Variants in IRS1 observed in about 807,000 individuals in gnomAD.
IRS1 encodes the protein insulin receptor substrate 1.
A neutral mutation model predicts 65.6 loss-of-function variants in IRS1; 34 were observed. The ratio of observed to expected loss-of-function variants is 0.52; its 90% CI spans 0.39 to 0.69. IRS1 has a LOEUF of 0.69. Among genes scored for constraint, IRS1 ranks in the 30% least tolerant of loss-of-function variants. The pLI is 0.00. For missense variants in IRS1, 1,641 were observed against 1,720.2 expected, an observed-to-expected ratio of 0.95 and a Z score of 0.81; for synonymous variants, 699 against 683.5, an observed-to-expected ratio of 1.02 and a Z score of -0.35.
intron 1 of IRS1, among the ~76,000 whole-genome samples, chr2:226,783,839 A>G (rs1296490986): frequency 6.6e-6 from 1 of 152,130 alleles, no homozygotes; most frequent in East Asian, 1.9e-4. Context: ...CAAATGTGAT[A>G]TAAGCAGAGG....
At position 226,732,653 on chromosome 2, in the gene IRS1, AAGAC is replaced by A. The variant is rs1938249106; in HGVS notation, c.*3615_*3618del. 6.7e-6 allele frequency: 1 copy of A among 150,158 alleles called. No homozygotes were observed. The highest frequency in any genetic ancestry group is 1.5e-5 in the Non-Finnish European group (1 of 67,596). 9.3% of individuals were successfully genotyped at this position (150,158 alleles called of 1,614,324 possible). Reference sequence around the variant, plus strand: ...CGTCACATATATATACACACACACAAAGACACACACATGTCACATATATATACAC... The same window carrying A: ...CGTCACATATATATACACACACACAAACACACATGTCACATATATATACAC... On this transcript the variant is annotated 3_prime_UTR_variant, in exon 2 of 2. Transcript: ENST00000305123.
At chr2:226,791,788 C>T (rs949930739) in intron 1 of IRS1, among the ~76,000 whole-genome samples, 3 of 151,966 alleles carry the variant, frequency 2.0e-5, no homozygotes, top group Admixed American at 1.3e-4. Flanking sequence ...CGGCTGTGCC[C>T]GAGGGCGGGG....
rs1939769026 is a variant in IRS1, at chr2:226,797,667, G to A, written c.1072C>T (p.Arg358Trp). 2 of 1,595,466 alleles carry A rather than the reference G, an allele frequency of 1.3e-6. No homozygotes were observed. The highest frequency in any genetic ancestry group is 2.2e-5 in the South Asian group (2 of 90,314). The change falls in exon 1 of 2, where the codon CGG (arginine) becomes TGG (tryptophan). Residue 358 changes from arginine (R) to tryptophan (W), a missense_variant. Arg to Trp is a moderately radical substitution (Grantham distance 101). Coordinates refer to ENST00000305123, the MANE Select transcript of IRS1 (RefSeq NM_005544.3). This position sits in a 1 kb window ranked among gnomAD's most constrained non-coding sequence, Gnocchi z 8.1. ...TGCAGCCGGGCGCTGCCCCGATGCC[G>A]GTGGGCGTGGGTTCTGTTGGTGCTG... is the stretch of plus-strand genomic sequence containing the variant. Reference protein sequence around the residue: ...SPSTNRTHAHRHRGSARLHPP... With the variant: ...SPSTNRTHAHWHRGSARLHPP...
chr2:226,739,502 T>A lies in IRS1; in HGVS notation c.*22-3252A>T, dbSNP rs1297422176. ...TAGCCCTCTGAGGACACGTTTGATC[T>A]TTGGAGACAGCCAAAAAGCTTTGAG... On this transcript the variant is annotated intron_variant, in intron 1 of 1. Transcript: ENST00000305123. Among the ~76,000 whole-genome samples, 6 of 152,304 alleles carry A rather than the reference T, an allele frequency of 3.9e-5. No homozygotes were observed. The East Asian group carries it at 1.2e-3, about 29-fold the overall frequency.
chr2:226,799,036 C>A lies in IRS1; in HGVS notation c.-298G>T. 7.4e-7 allele frequency: 1 copy of A among 1,357,976 alleles called. No homozygotes were observed. The highest frequency in any genetic ancestry group is 9.6e-7 in the Non-Finnish European group (1 of 1,046,616). 84.1% of individuals were successfully genotyped at this position (1,357,976 alleles called of 1,614,324 possible). A position where few individuals can be genotyped will look rare whatever the true frequency, so the allele number is the denominator to read the frequency against. On this transcript the variant is annotated 5_prime_UTR_variant, in exon 1 of 2. Transcript: ENST00000305123. The surrounding 1 kb of genome is among the most constrained non-coding windows in gnomAD (Gnocchi z 6.1). The stretch of plus-strand genomic sequence containing the variant: ...TCCGAGAGCCAAGTCTCCTCTCAGC[C>A]GCCGCCGCCACCAGGAAGGAGCGAA...
chr2:226,746,856 C>T (rs1938557366), intron 1 of IRS1, among the ~76,000 whole-genome samples: 1 of 136,752 alleles, frequency 7.3e-6, no homozygotes, highest in African/African-American at 2.8e-5. Context: ...GTGGCTTGAT[C>T]TCAGCTTACT....
rs1939842312 is a variant in IRS1, at chr2:226,799,373, G to A, written c.-635C>T. On this transcript the variant is annotated 5_prime_UTR_variant, in exon 1 of 2. It introduces an in-frame stop codon into an upstream open reading frame of the 5' UTR. Coordinates refer to ENST00000305123, the MANE Select transcript of IRS1 (RefSeq NM_005544.3). This position sits in a 1 kb window ranked among gnomAD's most constrained non-coding sequence, Gnocchi z 6.1. Reference sequence around the variant, plus strand: ...CGCTGCGGCTGTTGCTGTTGCTGCTGCTGCTGCTGCTGCTGCTGCCGCCGC... The same window carrying A: ...CGCTGCGGCTGTTGCTGTTGCTGCTACTGCTGCTGCTGCTGCTGCCGCCGC... 14 of 1,260,130 alleles carry A rather than the reference G, an allele frequency of 1.1e-5. No homozygotes were observed. The highest frequency in any genetic ancestry group is 1.4e-5 in the Non-Finnish European group (14 of 968,382). 78.1% of individuals were successfully genotyped at this position (1,260,130 alleles called of 1,614,324 possible).
At chr2:226,772,896 C>G (rs547479071) in intron 1 of IRS1, among the ~76,000 whole-genome samples, 18 of 152,238 alleles carry the variant, frequency 1.2e-4, no homozygotes, top group Non-Finnish European at 1.8e-4. Flanking sequence ...TAGGACACTT[C>G]CCAAAATAGC....
intron 1 of IRS1, among the ~76,000 whole-genome samples, chr2:226,741,736 C>A (rs1938440745): frequency 1.3e-5 from 2 of 150,102 alleles, no homozygotes; most frequent in Admixed American, 1.3e-4. Flanking sequence ...AATAAAGCAC[C>A]TTACAACACA....
At position 226,741,874 on chromosome 2, in the gene IRS1, T is replaced by C. The variant is rs114940906; in HGVS notation, c.*22-5624A>G. Among the ~76,000 whole-genome samples the C allele has an allele frequency of 4.6e-3, 692 of 151,844 alleles. 3 individuals are homozygous for C. The highest frequency in any genetic ancestry group is 0.016 in the African/African-American group (654 of 41,374). Reference sequence around the variant, plus strand: ...CATCAGTCTCAAATACCTTTATAGTTCTGGTAATAGATGGGTGTTGTTCAT... The same window carrying C: ...CATCAGTCTCAAATACCTTTATAGTCCTGGTAATAGATGGGTGTTGTTCAT... On this transcript the variant is annotated intron_variant, in intron 1 of 1. Coordinates refer to ENST00000305123, the MANE Select transcript of IRS1 (RefSeq NM_005544.3).
chr2:226,773,523 C>T (rs181727790), intron 1 of IRS1, among the ~76,000 whole-genome samples: 7 of 149,700 alleles, frequency 4.7e-5, no homozygotes, highest in Non-Finnish European at 8.9e-5. Flanking sequence ...CAAGCTGAGA[C>T]AATTTCGGTG....
chr2:226,790,665 T>C (rs916111554), intron 1 of IRS1, among the ~76,000 whole-genome samples: 3 of 152,154 alleles, frequency 2.0e-5, no homozygotes, highest in Non-Finnish European at 4.4e-5. Context: ...GATCTTATGA[T>C]TCAGTGATGC....
chr2:226,779,803 C>A (rs73992213), intron 1 of IRS1, among the ~76,000 whole-genome samples: 12,465 of 152,154 alleles, frequency 0.082, 815 homozygotes, highest in African/African-American at 0.19. Context: ...TTACTTTGGT[C>A]ATTACACCAG....
At chr2:226,749,882 A>T (rs910226499) in intron 1 of IRS1, among the ~76,000 whole-genome samples, 2 of 152,156 alleles carry the variant, frequency 1.3e-5, no homozygotes, top group East Asian at 3.9e-4. Flanking sequence ...ATTAATATGG[A>T]CAGAGCCATC....
Position 226,795,445 on chromosome 2 carries a change from C to T in IRS1, c.3294G>A (p.Arg1098=), listed in dbSNP as rs1939696460. ...IRADPQGCRR[R]HSSETFSSTP... is the part of the protein sequence containing the mutation. ...TTGAGGAGAAAGTCTCGGAGCTATG[C>T]CTCCGCCGGCACCCTTGTGGGTCTG... is the stretch of plus-strand genomic sequence containing the variant. Residue 1098 remains arginine, a synonymous_variant, in exon 1 of 2, where the codon AGG becomes AGA. Coordinates refer to ENST00000305123, the MANE Select transcript of IRS1 (RefSeq NM_005544.3). The T allele has an allele frequency of 6.2e-7, 1 of 1,613,572 alleles. No individual in the cohort carries two copies. Among genetic ancestry groups the T allele is most frequent in the Admixed American group, 1.7e-5 (1 of 60,034 alleles).
Position 226,734,361 on chromosome 2 carries a change from G to T in IRS1, c.*1911C>A, listed in dbSNP as rs563986915. ...CTTAGAAATTGATGAGCATGCAAAT[G>T]ATTAAAATCTGCAATAACGGACACT... On this transcript the variant is annotated 3_prime_UTR_variant, in exon 2 of 2. Transcript: ENST00000305123. 1.3e-5 allele frequency: 2 copies of T among 152,208 alleles called. No individual in the cohort carries two copies. Among genetic ancestry groups the T allele is most frequent in the Non-Finnish European group, 2.9e-5 (2 of 68,040 alleles). 9.4% of individuals were successfully genotyped at this position (152,208 alleles called of 1,614,324 possible).
chr2:226,732,573 T>C lies in IRS1; in HGVS notation c.*3699A>G, dbSNP rs190069750. ...ATATATATCTATATATGTGTGTATA[T>C]ATCTATATATTTGTATATATTCATC... On this transcript the variant is annotated 3_prime_UTR_variant, in exon 2 of 2. Coordinates refer to ENST00000305123, the MANE Select transcript of IRS1 (RefSeq NM_005544.3). The C allele has an allele frequency of 8.0e-5, 12 of 149,746 alleles. No homozygotes were observed. Among genetic ancestry groups the C allele is most frequent in the African/African-American group, 9.8e-5 (4 of 40,838 alleles). The allele number at this position is 149,746 out of a possible 1,614,324, so 9.3% of individuals were successfully genotyped here. A position where few individuals can be genotyped will look rare whatever the true frequency, so the allele number is the denominator to read the frequency against.
intron 1 of IRS1, among the ~76,000 whole-genome samples, chr2:226,741,816 CACACACACACATA>C (rs1938444294): frequency 1.3e-5 from 2 of 148,596 alleles, no homozygotes; most frequent in African/African-American, 5.2e-5. Context: ...CACACACACA[CACACACACACATA>C]ACACACACAC....
In IRS1 at chr2:226,799,201, A is replaced by C. The variant is rs547542394; in HGVS notation, c.-463T>G. The C allele has an allele frequency of 5.4e-6, 6 of 1,103,814 alleles. No homozygotes were observed. The African/African-American group carries it at 8.6e-5, about 16-fold the overall frequency. 68.4% of individuals were successfully genotyped at this position (1,103,814 alleles called of 1,614,324 possible). On this transcript the variant is annotated 5_prime_UTR_variant, in exon 1 of 2. Coordinates refer to ENST00000305123, the MANE Select transcript of IRS1 (RefSeq NM_005544.3). This position sits in a 1 kb window ranked among gnomAD's most constrained non-coding sequence, Gnocchi z 6.1. ...CTCTGGAAGCAGCGATTCCCGAGGCAAATTAAATATCCTTGGGCAGGGGGA... is the reference window on the plus strand; with the variant it reads ...CTCTGGAAGCAGCGATTCCCGAGGCCAATTAAATATCCTTGGGCAGGGGGA...
Sources: allele counts gnomAD v4.1 joint callset (sites outside exome capture counted in the v4.1 genomes callset), GRCh38; gene constraint gnomAD v4.1.1; non-coding constraint Gnocchi (gnomAD v3.1); transcripts MANE v1.5; gene names NCBI Gene and HGNC (gene_info 2026-07-23, HGNC 2026-07-21).